Variants in GPR149 observed in about 807,000 individuals in gnomAD.
The protein encoded by GPR149 is probable G protein-coupled receptor 149.
In GPR149, 50 loss-of-function variants were observed where a neutral mutation model predicts 50.2. The observed-to-expected ratio is 1.00, with a 90% CI of 0.79 to 1.26. The LOEUF (loss-of-function observed/expected upper bound fraction) is 1.26. Among genes scored for constraint, GPR149 ranks in the 50% most tolerant of loss-of-function variants. GPR149 has a pLI of 0.00. For missense variants in GPR149, 983 were observed against 895.4 expected, an observed-to-expected ratio of 1.10 and a Z score of -1.25; for synonymous variants, 405 against 358.2, an observed-to-expected ratio of 1.13 and a Z score of -1.48.
Position 154,403,869 on chromosome 3 carries a change from A to G in GPR149, c.1623+17170T>C, listed in dbSNP as rs545135233. Among the ~76,000 whole-genome samples, 9 of 152,216 alleles carry G rather than the reference A, an allele frequency of 5.9e-5. No individual in the cohort carries two copies. The South Asian group carries it at 1.9e-3, about 32-fold the overall frequency. On this transcript the variant is annotated intron_variant, in intron 3 of 3. Transcript: ENST00000389740. ...GAACTGCAAGATGGTCCTGTTCCAT[A>G]TGGGTGCTGCTCAGTACAGTAGTCA...
intron 3 of GPR149, among the ~76,000 whole-genome samples, chr3:154,416,291 A>C (rs1021189234): frequency 6.6e-6 from 1 of 151,864 alleles, no homozygotes; most frequent in Non-Finnish European, 1.5e-5. Flanking sequence ...AAAATTTTTA[A>C]TGTGCATATT....
intron 3 of GPR149, among the ~76,000 whole-genome samples, chr3:154,414,614 A>G (rs778342143): frequency 8.5e-5 from 13 of 152,052 alleles, no homozygotes; most frequent in Non-Finnish European, 1.3e-4. Flanking sequence ...GCAGACACCA[A>G]TTTTATGAAG....
At chr3:154,420,934 T>A (rs1488614316) in intron 3 of GPR149, 105 bp downstream of exon 3, 1 of 789,176 alleles carries the variant, frequency 1.3e-6, no homozygotes, top group East Asian at 2.7e-5. Context: ...CAAGTGAAGT[T>A]AATGTTGGGC....
In GPR149 at chr3:154,417,317, T is replaced by C. The variant is rs544838418; in HGVS notation, c.1623+3722A>G. Among the ~76,000 whole-genome samples, 49 of 152,166 alleles carry C rather than the reference T, an allele frequency of 3.2e-4. 1 individual carries two copies. The highest frequency in any genetic ancestry group is 5.3e-4 in the Non-Finnish European group (36 of 67,940). On this transcript the variant is annotated intron_variant, in intron 3 of 3. Coordinates refer to ENST00000389740, the MANE Select transcript of GPR149 (RefSeq NM_001038705.3). ...ATTTCAGTCTTATGAATACCTTCAA[T>C]TCTTGTAAATTTTATGGGATCACAT...
intron 3 of GPR149, among the ~76,000 whole-genome samples, chr3:154,378,088 C>CCTT (rs1491446132): frequency 3.5e-5 from 2 of 57,312 alleles, no homozygotes; most frequent in African/African-American, 5.8e-5. Context: ...TCCCCCCCCC[C>CCTT]TTTTTTTTTT....
At chr3:154,377,451 C>T (rs1465917262) in intron 3 of GPR149, among the ~76,000 whole-genome samples, 1 of 151,438 alleles carries the variant, frequency 6.6e-6, no homozygotes, top group Admixed American at 6.6e-5. Flanking sequence ...ACTGCAACCT[C>T]CACCTCGTGG....
intron 3 of GPR149, among the ~76,000 whole-genome samples, chr3:154,379,298 GTTT>G (rs34002737): frequency 0.44 from 21,619 of 49,368 alleles, 4,960 homozygotes; most frequent in African/African-American, 0.47. Context: ...ACTTGCAAAG[GTTT>G]TTTTTTTTTC....
At chr3:154,395,710 C>T (rs1467381341) in intron 3 of GPR149, among the ~76,000 whole-genome samples, 2 of 152,014 alleles carry the variant, frequency 1.3e-5, no homozygotes, top group Non-Finnish European at 2.9e-5. Context: ...GTAGGAGGAT[C>T]CTCGAGCCCA....
At chr3:154,356,773 T>A (rs1714239493) in intron 3 of GPR149, among the ~76,000 whole-genome samples, 1 of 152,044 alleles carries the variant, frequency 6.6e-6, no homozygotes, top group Non-Finnish European at 1.5e-5. Flanking sequence ...AATTTATAGA[T>A]TCAATGCCAT....
intron 3 of GPR149, among the ~76,000 whole-genome samples, chr3:154,408,663 C>T (rs1356046329): frequency 1.3e-5 from 2 of 152,218 alleles, no homozygotes; most frequent in African/African-American, 4.8e-5. Context: ...CCATCCCCCA[C>T]AGCAGCTACA....
intron 3 of GPR149, among the ~76,000 whole-genome samples, chr3:154,378,773 T>C (rs1714854125): frequency 6.6e-6 from 1 of 152,214 alleles, no homozygotes; most frequent in African/African-American, 2.4e-5. Context: ...TGTGTAGTGG[T>C]ATCTCATTGT....
At chr3:154,413,393 T>C (rs531996077) in intron 3 of GPR149, among the ~76,000 whole-genome samples, 1 of 152,012 alleles carries the variant, frequency 6.6e-6, no homozygotes, top group South Asian at 2.1e-4. Context: ...AAAATCTTTA[T>C]AATCTATACA....
chr3:154,337,356 T>C lies in GPR149; in HGVS notation c.*343A>G, dbSNP rs1713677892. Among the ~76,000 whole-genome samples the C allele has an allele frequency of 1.3e-5, 2 of 152,192 alleles. No homozygotes were observed. Among genetic ancestry groups the C allele is most frequent in the African/African-American group, 4.8e-5 (2 of 41,462 alleles). ...AACATTGTATATAGAAACATATGCA[T>C]GGAACAGTATATTCACTGAGTTTAT... On this transcript the variant is annotated 3_prime_UTR_variant, in exon 4 of 4. Transcript: ENST00000389740.
chr3:154,370,502 C>T (rs1055511201), intron 3 of GPR149, among the ~76,000 whole-genome samples: 8 of 152,136 alleles, frequency 5.3e-5, no homozygotes, highest in East Asian at 3.9e-4. Context: ...ACTGTCCCCT[C>T]GCCCATGTCC....
At chr3:154,421,010 T>G (rs781325982) in intron 3 of GPR149, 29 bp downstream of exon 3, 1 of 1,500,884 alleles carries the variant, frequency 6.7e-7, no homozygotes, top group East Asian at 2.3e-5. Flanking sequence ...TCACTTTCAA[T>G]TTAACAGCAA....
intron 1 of GPR149, 21 bp from the exon 2 acceptor site, chr3:154,427,729 C>G: frequency 6.3e-7 from 1 of 1,593,776 alleles, no homozygotes; most frequent in Non-Finnish European, 8.5e-7. Context: ...AAGAGAACTT[C>G]AGACCTAACC....
chr3:154,378,223 C>T (rs959962183), intron 3 of GPR149, among the ~76,000 whole-genome samples: 16 of 151,740 alleles, frequency 1.1e-4, no homozygotes, highest in African/African-American at 3.4e-4. Context: ...GCTGGGATTA[C>T]ATGTGTGCAC....
rs760959162 is a variant in GPR149 at position 154,428,780 on chromosome 3, G to C, written c.836C>G (p.Ala279Gly). 1 of 1,613,804 alleles carries C rather than the reference G, an allele frequency of 6.2e-7. No individual in the cohort carries two copies. The highest frequency in any genetic ancestry group is 1.1e-5 in the South Asian group (1 of 91,076). ...GGCTTCAGCCCCAGCGGCAGCGGGCGCACCCGGTCCGAACACGGTGTCGGA... is the reference window on the plus strand; with the variant it reads ...GGCTTCAGCCCCAGCGGCAGCGGGCCCACCCGGTCCGAACACGGTGTCGGA... ...PSSDTVFGPGAPAAAGAEACR... is the reference protein window; with the variant it reads ...PSSDTVFGPGGPAAAGAEACR... Residue 279 changes from alanine (A) to glycine (G), a missense_variant, in exon 1 of 4, where the codon GCG (alanine) becomes GGG (glycine). Coordinates refer to ENST00000389740, the MANE Select transcript of GPR149 (RefSeq NM_001038705.3).
At chr3:154,407,693 T>TACACATACACAC (rs1553766400) in intron 3 of GPR149, among the ~76,000 whole-genome samples, 14 of 139,978 alleles carry the variant, frequency 1.0e-4, no homozygotes, top group African/African-American at 3.7e-4. Context: ...GTCATGTGTA[T>TACACATACACAC]ACACACACAC....
Sources: allele counts gnomAD v4.1 joint callset (sites outside exome capture counted in the v4.1 genomes callset), GRCh38; gene constraint gnomAD v4.1.1; transcripts MANE v1.5; gene names NCBI Gene and HGNC (gene_info 2026-07-23, HGNC 2026-07-21).